Variants in MGAT5B observed in about 807,000 individuals in gnomAD.
MGAT5B encodes the protein alpha-1,6-mannosylglycoprotein 6-beta-N-acetylglucosaminyltransferase B, also known as N-acetylglucosaminyl-transferase Vb.
In MGAT5B, 54 loss-of-function variants were observed where a neutral mutation model predicts 95.1. That is an observed-to-expected ratio of 0.57 (90% CI 0.46 to 0.71). The LOEUF (loss-of-function observed/expected upper bound fraction) is 0.71, where lower values mean the gene tolerates loss of function less well. Ranked by LOEUF, MGAT5B falls within the 30% of genes least tolerant of loss-of-function variation. The pLI is 0.00. For synonymous variants in MGAT5B, 464 were observed against 451.0 expected, an observed-to-expected ratio of 1.03 and a Z score of -0.36; for missense variants, 935 against 1,088.6, an observed-to-expected ratio of 0.86 and a Z score of 1.99.
At chr17:76,884,456 AGG>A (rs1243584665) in intron 3 of MGAT5B, among the ~76,000 whole-genome samples, 5 of 151,842 alleles carry the variant, frequency 3.3e-5, no homozygotes, top group Non-Finnish European at 7.4e-5. Flanking sequence ...TTTGAGATGG[AGG>A]CTTGCTCTGT....
chr17:76,872,653 A>C, intron 1 of MGAT5B, 198 bp from the exon 2 acceptor site: 1 of 1,474,920 alleles, frequency 6.8e-7, no homozygotes, highest in East Asian at 2.5e-5. Flanking sequence ...CGAGGCCAGC[A>C]TCTTGTAGTT....
chr17:76,932,084 C>T (rs1231327195), intron 10 of MGAT5B, among the ~76,000 whole-genome samples: 1 of 66,344 alleles, frequency 1.5e-5, no homozygotes, highest in African/African-American at 6.7e-5. Context: ...CCTCCTCCTC[C>T]TCCCCCCCCC....
chr17:76,872,439 C>T (rs1967042160), intron 1 of MGAT5B, among the ~76,000 whole-genome samples: 1 of 152,222 alleles, frequency 6.6e-6, no homozygotes, highest in African/African-American at 2.4e-5. Flanking sequence ...TTGCTTGCTC[C>T]ACCCCAGAGT....
At position 76,869,219 on chromosome 17, in the gene MGAT5B, G is replaced by A; in HGVS notation, c.68+122G>A. The A allele has an allele frequency of 1.2e-6, 1 of 826,866 alleles. No individual in the cohort carries two copies. The highest frequency in any genetic ancestry group is 1.7e-5 in the African/African-American group (1 of 59,732). 51.2% of individuals were successfully genotyped at this position (826,866 alleles called of 1,614,324 possible). On this transcript the variant is annotated intron_variant, in intron 1 of 17. Coordinates refer to ENST00000569840, the MANE Select transcript of MGAT5B (RefSeq NM_001199172.2). The surrounding 1 kb of genome is among the most constrained non-coding windows in gnomAD (Gnocchi z 7.0). ...GGGGCGGTTCACACTTCAACCCCTG[G>A]TGATGACCAGTGGGGCTGGGCTGGG...
chr17:76,874,610 C>T (rs2145116081), intron 2 of MGAT5B, among the ~76,000 whole-genome samples: 1 of 152,026 alleles, frequency 6.6e-6, no homozygotes, highest in South Asian at 2.1e-4. Context: ...GGTCAGGGGT[C>T]TAAGAGGTGG....
At chr17:76,882,380 C>T in intron 3 of MGAT5B, 82 bp downstream of exon 3, 1 of 1,466,660 alleles carries the variant, frequency 6.8e-7, no homozygotes, top group Non-Finnish European at 9.1e-7. Context: ...TCCGTCATCT[C>T]CTTTTGTGAA....
chr17:76,910,474 CACAT>C (rs1325116451), intron 8 of MGAT5B, among the ~76,000 whole-genome samples: 1 of 152,254 alleles, frequency 6.6e-6, no homozygotes, highest in African/African-American at 2.4e-5. Flanking sequence ...CTCACCCACT[CACAT>C]GCACACTCAT....
At chr17:76,901,402 T>TAA (rs57832999) in intron 3 of MGAT5B, among the ~76,000 whole-genome samples, 12,477 of 143,604 alleles carry the variant, frequency 0.087, 1,427 homozygotes, top group African/African-American at 0.25. Flanking sequence ...ATTAATGTGT[T>TAA]AAAAAAAAAA....
At chr17:76,926,469 T>G (rs1969314864) in intron 9 of MGAT5B, 128 bp from the exon 10 acceptor site, 2 of 885,654 alleles carry the variant, frequency 2.3e-6, no homozygotes, top group Admixed American at 2.7e-5. Flanking sequence ...CTAGTCCAAG[T>G]GCTAACACAC....
intron 2 of MGAT5B, among the ~76,000 whole-genome samples, chr17:76,880,893 C>G (rs1967385877): frequency 1.3e-5 from 2 of 152,196 alleles, no homozygotes; most frequent in Non-Finnish European, 2.9e-5. Flanking sequence ...AACTACTCAC[C>G]CTCAAACCCT....
chr17:76,948,174 C>G, intron 17 of MGAT5B, 88 bp downstream of exon 17: 1 of 1,485,200 alleles, frequency 6.7e-7, no homozygotes, highest in South Asian at 1.4e-5. Context: ...AGAACCGGCC[C>G]TCAGCCCTGC....
At chr17:76,908,998 G>T (rs1194799842) in intron 8 of MGAT5B, among the ~76,000 whole-genome samples, 1 of 151,912 alleles carries the variant, frequency 6.6e-6, no homozygotes, top group Non-Finnish European at 1.5e-5. Context: ...GTAGAGACAG[G>T]ATTTCACCAT....
chr17:76,949,383 A>T lies in MGAT5B; in HGVS notation c.*545A>T, dbSNP rs1162297786. On this transcript the variant is annotated 3_prime_UTR_variant, in exon 18 of 18. Coordinates refer to ENST00000569840, the MANE Select transcript of MGAT5B (RefSeq NM_001199172.2). ...TTCTCCTGTGAGGGGAGCCAGGCAC[A>T]CAGGGCCCATTGGTGTTTGGGATGT... 1 of 154,792 alleles carries T rather than the reference A, an allele frequency of 6.5e-6. No individual in the cohort carries two copies. Among genetic ancestry groups the T allele is most frequent in the Non-Finnish European group, 1.4e-5 (1 of 69,896 alleles). The allele number at this position is 154,792 out of a possible 1,614,324, so 9.6% of individuals were successfully genotyped here. A position where few individuals can be genotyped will look rare whatever the true frequency, so the allele number is the denominator to read the frequency against.
intron 16 of MGAT5B, among the ~76,000 whole-genome samples, chr17:76,947,140 G>A (rs1016905804): frequency 6.6e-6 from 1 of 152,246 alleles, no homozygotes; most frequent in African/African-American, 2.4e-5. Context: ...GGTGATGCCT[G>A]GGGTGGGCCT....
intron 3 of MGAT5B, among the ~76,000 whole-genome samples, chr17:76,897,727 T>TTCTTTCTTTC (rs761586072): frequency 1.5e-4 from 11 of 72,410 alleles, no homozygotes; most frequent in East Asian, 9.7e-4. Flanking sequence ...CTTTCTTTCT[T>TTCTTTCTTTC]TTTCTTTTTT....
chr17:76,911,639 G>A (rs1968741578), intron 8 of MGAT5B, among the ~76,000 whole-genome samples: 1 of 152,308 alleles, frequency 6.6e-6, no homozygotes, highest in East Asian at 1.9e-4. Flanking sequence ...CCCATAGTTG[G>A]CGGGGTCAGT....
chr17:76,920,677 C>T (rs1969098431), intron 8 of MGAT5B, among the ~76,000 whole-genome samples: 1 of 152,104 alleles, frequency 6.6e-6, no homozygotes, highest in Admixed American at 6.5e-5. Flanking sequence ...CTTAACTCCT[C>T]CTGGGAAGGG....
chr17:76,936,603 C>A (rs570360516), intron 12 of MGAT5B, among the ~76,000 whole-genome samples: 1 of 152,242 alleles, frequency 6.6e-6, no homozygotes, highest in African/African-American at 2.4e-5. Flanking sequence ...AGTCTGTGAT[C>A]CATTTTGCAT....
chr17:76,881,922 G>A (rs1020824439), intron 2 of MGAT5B, among the ~76,000 whole-genome samples: 4 of 152,230 alleles, frequency 2.6e-5, no homozygotes, highest in Admixed American at 1.3e-4. Context: ...AGTGGGCAAC[G>A]GGGCTGCCCA....
Sources: gnomAD v4.1 joint callset for allele counts (sites outside exome capture counted in the v4.1 genomes callset) on GRCh38, gnomAD v4.1.1 for gene constraint, Gnocchi (gnomAD v3.1) non-coding constraint, MANE v1.5 for transcripts, NCBI Gene and HGNC (gene_info 2026-07-23, HGNC 2026-07-21) for gene names.